DAB1: variants seen among roughly 807,000 people sequenced by gnomAD.
DAB1 encodes the protein DAB adaptor protein 1.
Under a neutral mutation model 64.6 loss-of-function variants are expected in DAB1, and 15 were observed. That is an observed-to-expected ratio of 0.23 (90% CI 0.16 to 0.36). The LOEUF (loss-of-function observed/expected upper bound fraction) is 0.36. Among genes scored for constraint, DAB1 ranks in the 10% least tolerant of loss-of-function variants. The pLI, the probability that DAB1 is intolerant of heterozygous loss-of-function variation, is 1.00. For synonymous variants in DAB1, 235 were observed against 251.9 expected (o/e 0.93, Z 0.64); for missense variants, 596 against 706.7 (o/e 0.84, Z 1.78).
chr1:57,951,780 G>C (rs1021185681), intron 5 of DAB1, among the ~76,000 whole-genome samples: 5 of 152,112 alleles, frequency 3.3e-5, no homozygotes, highest in Admixed American at 3.3e-4. Flanking sequence ...AATGGCAAAG[G>C]TGGTGGGGAG....
At chr1:57,661,139 A>C (rs1384992637) in intron 6 of DAB1, among the ~76,000 whole-genome samples, 1 of 152,092 alleles carries the variant, frequency 6.6e-6, no homozygotes, top group Non-Finnish European at 1.5e-5. Context: ...GGAAAAAAAA[A>C]AGGTACTAGT....
chr1:57,564,178 T>C (rs966761185), intron 7 of DAB1, among the ~76,000 whole-genome samples: 2 of 152,034 alleles, frequency 1.3e-5, no homozygotes, highest in Admixed American at 6.6e-5. Flanking sequence ...GCAAAGAGGG[T>C]CTGGAGTGAA....
At chr1:57,112,831 G>GT (rs1655786506) in intron 4 of DAB1, among the ~76,000 whole-genome samples, 1 of 131,410 alleles carries the variant, frequency 7.6e-6, no homozygotes, top group Non-Finnish European at 1.6e-5. Context: ...ATACTAGACA[G>GT]TAGGGGGTAC....
At chr1:58,477,285 T>G (rs779729983) in intron 3 of DAB1, among the ~76,000 whole-genome samples, 3 of 152,218 alleles carry the variant, frequency 2.0e-5, no homozygotes, top group Non-Finnish European at 4.4e-5. Context: ...TAATGAAAAT[T>G]TGCTATCATA....
intron 5 of DAB1, among the ~76,000 whole-genome samples, chr1:58,036,773 G>A (rs1647051131): frequency 6.6e-6 from 1 of 152,132 alleles, no homozygotes; most frequent in Non-Finnish European, 1.5e-5. Flanking sequence ...GTGGAGACTT[G>A]GAAGACCCTG....
chr1:57,293,965 C>T (rs896330809), intron 1 of DAB1, among the ~76,000 whole-genome samples: 1 of 152,166 alleles, frequency 6.6e-6, no homozygotes, highest in Admixed American at 6.6e-5. Flanking sequence ...TGAAAGGAAA[C>T]CACCATCATT....
At chr1:57,921,543 C>A (rs1410134327) in intron 5 of DAB1, among the ~76,000 whole-genome samples, 1 of 152,086 alleles carries the variant, frequency 6.6e-6, no homozygotes, top group Non-Finnish European at 1.5e-5. Flanking sequence ...TCAGAGCTGT[C>A]TTCACCTCCT....
At chr1:57,577,722 AC>A (rs1249821017) in intron 7 of DAB1, among the ~76,000 whole-genome samples, 1 of 151,928 alleles carries the variant, frequency 6.6e-6, no homozygotes, top group Non-Finnish European at 1.5e-5. Flanking sequence ...GCTCCACAAA[AC>A]CTGCTGAATC....
chr1:58,223,370 G>A (rs747260233), intron 4 of DAB1, among the ~76,000 whole-genome samples: 19 of 152,180 alleles, frequency 1.2e-4, no homozygotes, highest in Non-Finnish European at 2.1e-4. Flanking sequence ...TTGAGTTTCT[G>A]ATGAAAGAAC....
intron 1 of DAB1, among the ~76,000 whole-genome samples, chr1:57,414,447 ATT>A (rs1267579112): frequency 1.3e-5 from 2 of 152,190 alleles, no homozygotes; most frequent in East Asian, 3.9e-4. Flanking sequence ...ATGTACATTG[ATT>A]TTTTTACATA....
intron 3 of DAB1, among the ~76,000 whole-genome samples, chr1:58,451,727 A>C (rs1398870285): frequency 6.6e-6 from 1 of 152,222 alleles, no homozygotes; most frequent in East Asian, 1.9e-4. Context: ...ACATCAGGAT[A>C]GAAAAAAATA....
At chr1:57,529,985 C>G (rs1027470903) in intron 7 of DAB1, among the ~76,000 whole-genome samples, 1 of 151,972 alleles carries the variant, frequency 6.6e-6, no homozygotes, top group African/African-American at 2.4e-5. Flanking sequence ...CTATTTTGTG[C>G]TATGCTCTGT....
intron 2 of DAB1, among the ~76,000 whole-genome samples, chr1:57,256,895 A>G (rs1015806408): frequency 6.6e-6 from 1 of 152,200 alleles, no homozygotes; most frequent in East Asian, 1.9e-4. Context: ...CTGGCAGTCT[A>G]GCAGCCACTG....
At chr1:57,884,111 A>C (rs1223862554), upstream of DAB1, 1 of 152,288 alleles carries the variant, frequency 6.6e-6, no homozygotes, top group East Asian at 1.9e-4. Flanking sequence ...TCTTCCCAAG[A>C]TTGCCGGGGC....
intron 2 of DAB1, among the ~76,000 whole-genome samples, chr1:58,522,434 G>A (rs1646279676): frequency 6.6e-6 from 1 of 152,094 alleles, no homozygotes; most frequent in Non-Finnish European, 1.5e-5. Flanking sequence ...TGATAAAAAA[G>A]TATCTATAAA....
At chr1:57,023,682 A>G (rs1416564858) in intron 10 of DAB1, 43 bp from the exon 11 acceptor site, 11 of 1,316,180 alleles carry the variant, frequency 8.4e-6, no homozygotes, top group East Asian at 2.3e-5. Context: ...GACCTGGCTT[A>G]GCAGTCATCA....
At chr1:57,222,001 T>A (rs1015681643) in intron 2 of DAB1, among the ~76,000 whole-genome samples, 1 of 152,214 alleles carries the variant, frequency 6.6e-6, no homozygotes, top group Non-Finnish European at 1.5e-5. Flanking sequence ...AAACTAGCAT[T>A]TATTTACTGC....
intron 3 of DAB1, among the ~76,000 whole-genome samples, chr1:58,410,172 G>A (rs552212913): frequency 1.3e-5 from 2 of 152,268 alleles, no homozygotes; most frequent in Admixed American, 6.5e-5. Context: ...TGGGCTCTGG[G>A]CCCACCCAGC....
chr1:58,317,867 T>A (rs1003087579), intron 4 of DAB1, among the ~76,000 whole-genome samples: 1 of 152,248 alleles, frequency 6.6e-6, no homozygotes, highest in Non-Finnish European at 1.5e-5. Flanking sequence ...CCCTGTATCC[T>A]GGCACCCTCT....
Sources: allele counts gnomAD v4.1 joint callset (sites outside exome capture counted in the v4.1 genomes callset), GRCh38; gene constraint gnomAD v4.1.1; transcripts MANE v1.5; gene names NCBI Gene and HGNC (gene_info 2026-07-23, HGNC 2026-07-21).